ARID1A: variants seen among roughly 807,000 people sequenced by gnomAD.
The protein encoded by ARID1A is AT-rich interaction domain 1A, also known as AT-rich interactive domain-containing protein 1A.
In ARID1A, 20 loss-of-function variants were observed where a neutral mutation model predicts 212.6. That is an observed-to-expected ratio of 0.09 (90% CI 0.07 to 0.14). The LOEUF (loss-of-function observed/expected upper bound fraction) is 0.14. Ranked by LOEUF, ARID1A falls within the 10% of genes least tolerant of loss-of-function variation. The pLI is 1.00. For missense variants in ARID1A, 2,587 were observed against 3,059.0 expected, an observed-to-expected ratio of 0.85 and a Z score of 3.64; for synonymous variants, 1,376 against 1,222.1, an observed-to-expected ratio of 1.13 and a Z score of -2.63.
intron 1 of ARID1A, among the ~76,000 whole-genome samples, chr1:26,724,816 C>T (rs1224122766): frequency 1.3e-5 from 2 of 152,128 alleles, no homozygotes; most frequent in African/African-American, 4.8e-5. Context: ...GCTGTTTGTT[C>T]TGAATATATT....
chr1:26,757,162 C>G (rs2080947619), intron 4 of ARID1A, among the ~76,000 whole-genome samples: 1 of 150,940 alleles, frequency 6.6e-6, no homozygotes, highest in South Asian at 2.1e-4. Flanking sequence ...TTGCAGTGAG[C>G]TGAGATCATG....
chr1:26,757,086 AT>A (rs1011889198), intron 4 of ARID1A, among the ~76,000 whole-genome samples: 5 of 152,088 alleles, frequency 3.3e-5, no homozygotes, highest in African/African-American at 1.2e-4. Context: ...AAAACATTTA[AT>A]TTTTCTAATC....
chr1:26,768,743 C>T (rs1005945630), intron 11 of ARID1A, among the ~76,000 whole-genome samples: 11 of 152,212 alleles, frequency 7.2e-5, no homozygotes, highest in Non-Finnish European at 1.6e-4. Flanking sequence ...TTTGTAGACT[C>T]AGCCCAGGAA....
chr1:26,724,293 C>T (rs2080595748), intron 1 of ARID1A, among the ~76,000 whole-genome samples: 1 of 152,100 alleles, frequency 6.6e-6, no homozygotes, highest in Non-Finnish European at 1.5e-5. Flanking sequence ...CCTGGCCCAA[C>T]CCTCTCTGTT....
At chr1:26,719,683 G>A (rs2080541299) in intron 1 of ARID1A, among the ~76,000 whole-genome samples, 1 of 151,464 alleles carries the variant, frequency 6.6e-6, no homozygotes, top group Admixed American at 6.6e-5. Flanking sequence ...GCTCACGCCT[G>A]TAATCCCAGC....
intron 4 of ARID1A, among the ~76,000 whole-genome samples, chr1:26,759,437 G>A (rs936487748): frequency 6.6e-6 from 1 of 152,012 alleles, no homozygotes; most frequent in Non-Finnish European, 1.5e-5. Flanking sequence ...CGAACTCCTG[G>A]GCTCAAGTGA....
intron 1 of ARID1A, among the ~76,000 whole-genome samples, chr1:26,698,354 G>C (rs1217277626): frequency 6.6e-6 from 1 of 152,174 alleles, no homozygotes; most frequent in Non-Finnish European, 1.5e-5. Context: ...ATCCTGATGA[G>C]CTCATAAACT....
At chr1:26,747,721 A>G (rs2080850934) in intron 4 of ARID1A, among the ~76,000 whole-genome samples, 1 of 151,374 alleles carries the variant, frequency 6.6e-6, no homozygotes, top group Non-Finnish European at 1.5e-5. Flanking sequence ...ATGGTGGTGC[A>G]TGCCTGTAGT....
At position 26,777,312 on chromosome 1, in the gene ARID1A, C is replaced by T. The variant is rs1210234853; in HGVS notation, c.5124+1605C>T. Among the ~76,000 whole-genome samples, 5 of 152,080 alleles carry T rather than the reference C, an allele frequency of 3.3e-5. No homozygotes were observed. The East Asian group carries it at 5.8e-4, about 18-fold the overall frequency. ...CACAGCTCACTGCAGTCTCAACTTC[C>T]GAGGCTCAGGTGATCCTCCCACCTC... On this transcript the variant is annotated intron_variant, in intron 19 of 19. Transcript: ENST00000324856.
intron 8 of ARID1A, 103 bp downstream of exon 8, chr1:26,763,388 G>GGT: frequency 5.3e-6 from 7 of 1,319,512 alleles, no homozygotes; most frequent in East Asian, 2.5e-5. Flanking sequence ...GGGGAAAATG[G>GGT]GTGTGTGTGT....
rs186788327 is a variant in ARID1A, at chr1:26,758,580, A to G, written c.1921-2276A>G. Among the ~76,000 whole-genome samples the G allele has an allele frequency of 1.8e-3, 276 of 151,784 alleles. 2 individuals carry two copies. Among genetic ancestry groups the G allele is most frequent in the African/African-American group, 5.9e-3 (244 of 41,402 alleles). On this transcript the variant is annotated intron_variant, in intron 4 of 19. Coordinates refer to ENST00000324856, the MANE Select transcript of ARID1A (RefSeq NM_006015.6). ...GCTGTAGGGAGCTGGCATCATGCCA[A>G]TGTACTGCAGCCTGGGGTAACAGAG... is the stretch of plus-strand genomic sequence containing the variant.
At chr1:26,726,908 G>T (rs1392040539) in intron 1 of ARID1A, among the ~76,000 whole-genome samples, 1 of 152,244 alleles carries the variant, frequency 6.6e-6, no homozygotes, top group Admixed American at 6.5e-5. Flanking sequence ...GAAGATATGG[G>T]AAGTGGCTTC....
intron 1 of ARID1A, among the ~76,000 whole-genome samples, chr1:26,714,248 G>A (rs1013319840): frequency 6.6e-6 from 1 of 152,222 alleles, no homozygotes; most frequent in African/African-American, 2.4e-5. Context: ...TACTTGTATA[G>A]TTTGTATAGA....
intron 8 of ARID1A, 92 bp from the exon 9 acceptor site, chr1:26,766,129 T>C (rs990752399): frequency 6.9e-5 from 98 of 1,416,896 alleles, no homozygotes; most frequent in Non-Finnish European, 9.1e-5. Flanking sequence ...TAATCCTTAC[T>C]AGATGATCAC....
chr1:26,756,575 AAAAC>A (rs1233945743), intron 4 of ARID1A, among the ~76,000 whole-genome samples: 1 of 151,586 alleles, frequency 6.6e-6, no homozygotes, highest in Non-Finnish European at 1.5e-5. Context: ...AAAAAAAAAA[AAAAC>A]AAAAAAACAC....
At chr1:26,755,549 A>T (rs1461779672) in intron 4 of ARID1A, among the ~76,000 whole-genome samples, 1 of 152,136 alleles carries the variant, frequency 6.6e-6, no homozygotes, top group Non-Finnish European at 1.5e-5. Context: ...CCAGCCACAG[A>T]TGCCTCCAGA....
rs781292240 is a variant in ARID1A, at chr1:26,774,305, C to T, written c.4102-24C>T. ...GTCCCTGAGTGCAGAGTATTAACTT[C>T]CCCTCTGCTTGTCTCTGCCTTAGAA... On this transcript the variant is annotated intron_variant, in intron 17 of 19. Coordinates refer to ENST00000324856, the MANE Select transcript of ARID1A (RefSeq NM_006015.6). This position sits in a 1 kb window ranked among gnomAD's most constrained non-coding sequence, Gnocchi z 5.6. The T allele has an allele frequency of 4.6e-6, 7 of 1,521,846 alleles. No homozygotes were observed. The South Asian group carries it at 5.3e-5, about 11-fold the overall frequency. 94.3% of individuals were successfully genotyped at this position (1,521,846 alleles called of 1,614,324 possible). A position where few individuals can be genotyped will look rare whatever the true frequency, so the allele number is the denominator to read the frequency against.
rs763824918 is a variant in ARID1A, at chr1:26,697,498, G to T, written c.1095G>T (p.Gly365=). Residue 365 remains glycine (G), a synonymous_variant, in exon 1 of 20, where the codon GGG becomes GGT. Coordinates refer to ENST00000324856, the MANE Select transcript of ARID1A (RefSeq NM_006015.6). ...QRSHHAPMSP[G]SSGGGGQPLA... ...GCCACCACGCGCCCATGAGCCCCGGGAGCAGCGGCGGCGGGGGGCAGCCGC... is the reference window on the plus strand; with the variant it reads ...GCCACCACGCGCCCATGAGCCCCGGTAGCAGCGGCGGCGGGGGGCAGCCGC... 9 of 1,408,062 alleles carry T rather than the reference G, an allele frequency of 6.4e-6. No individual in the cohort carries two copies. In the South Asian group the frequency reaches 1.4e-4, roughly 21 times the overall value. 87.2% of individuals were successfully genotyped at this position (1,408,062 alleles called of 1,614,324 possible).
At position 26,771,226 on chromosome 1, in the gene ARID1A, C is replaced by T; in HGVS notation, c.3306C>T (p.Ala1102=). The change falls in exon 12 of 20, where the codon GCC becomes GCT. Residue 1102 remains alanine (A), a synonymous_variant. Coordinates refer to ENST00000324856, the MANE Select transcript of ARID1A (RefSeq NM_006015.6). The surrounding 1 kb of genome is among the most constrained non-coding windows in gnomAD (Gnocchi z 5.4). ...LKKQYIQCLY[A]FECKIERGED... ...AGCAGTATATCCAGTGTCTCTATGCCTTTGAATGCAAGATTGAACGGGGAG... is the reference window on the plus strand; with the variant it reads ...AGCAGTATATCCAGTGTCTCTATGCTTTTGAATGCAAGATTGAACGGGGAG... 6.2e-7 allele frequency: 1 copy of T among 1,614,182 alleles called. No homozygotes were observed. Among genetic ancestry groups the T allele is most frequent in the Non-Finnish European group, 8.5e-7 (1 of 1,180,044 alleles).
Sources: gnomAD v4.1 joint callset for allele counts (sites outside exome capture counted in the v4.1 genomes callset) on GRCh38, gnomAD v4.1.1 for gene constraint, Gnocchi (gnomAD v3.1) non-coding constraint, MANE v1.5 for transcripts, NCBI Gene and HGNC (gene_info 2026-07-23, HGNC 2026-07-21) for gene names.